APOO: variants seen among roughly 807,000 people sequenced by gnomAD.
APOO encodes MICOS complex subunit MIC26.
APOO carries 11 observed loss-of-function variants against 23.1 expected under a neutral mutation model. The ratio of observed to expected loss-of-function variants is 0.48; its 90% CI spans 0.30 to 0.79. The LOEUF (loss-of-function observed/expected upper bound fraction) is 0.79. APOO is among the 30% of genes least tolerant of loss of function. APOO has a pLI of 0.07. For missense variants in APOO, 160 were observed against 142.7 expected (o/e 1.12, Z -0.62); for synonymous variants, 59 against 54.8 (o/e 1.08, Z -0.34).
At chrX:23,866,804 T>TA (rs1235752281) in intron 5 of APOO, among the ~76,000 whole-genome samples, 35 of 90,321 alleles carry the variant, frequency 3.9e-4, no homozygotes, top group African/African-American at 5.0e-4. Context: ...AGAAATCAAT[T>TA]AAAAAAAAAA....
intron 1 of APOO, among the ~76,000 whole-genome samples, chrX:23,890,824 G>C (rs184919451): frequency 9.0e-6 from 1 of 111,675 alleles, no homozygotes; most frequent in African/African-American, 3.3e-5. Flanking sequence ...AGGTTTATCA[G>C]AATGCAACCC....
chrX:23,878,169 G>A (rs888819921), intron 3 of APOO, among the ~76,000 whole-genome samples: 2 of 111,938 alleles, frequency 1.8e-5, no homozygotes, highest in South Asian at 7.4e-4. Flanking sequence ...TTTGTATAGT[G>A]GGGGGAGAAA....
At chrX:23,903,053 G>A (rs967953165) in intron 1 of APOO, among the ~76,000 whole-genome samples, 5 of 111,839 alleles carry the variant, frequency 4.5e-5, no homozygotes, top group African/African-American at 1.3e-4. Context: ...GGGGACCAAC[G>A]AAAACTATAG....
In APOO at chrX:23,837,447, C is replaced by A; in HGVS notation, c.*29+2866G>T. 1.6e-5 allele frequency: 7 copies of A among 447,783 alleles called. No homozygotes were observed. The South Asian group carries it at 2.3e-4, about 15-fold the overall frequency. The allele number at this position is 447,783 out of a possible 1,213,427, so 36.9% of individuals were successfully genotyped here. A position where few individuals can be genotyped will look rare whatever the true frequency, so the allele number is the denominator to read the frequency against. On this transcript the variant is annotated intron_variant, in intron 8 of 8. Transcript: ENST00000379226. ...GGTGAAGTGGGAGGATCACCTAAAC[C>A]CAGGAGTTGAAGTCCAGCCTGGGTA...
intron 5 of APOO, among the ~76,000 whole-genome samples, chrX:23,864,402 A>C (rs1925244626): frequency 9.0e-6 from 1 of 111,190 alleles, no homozygotes; most frequent in Non-Finnish European, 1.9e-5. Context: ...TCCCGGGTTC[A>C]AGTGATTCTC....
rs1425180487 is a variant in APOO at position 23,901,223 on chromosome X, G to A, written c.9+6471C>T. ...GGCTCCTTGGTGTGGTGAGCTCTGA[G>A]TACAGGTCATGTTATTTGCCCTTGA... On this transcript the variant is annotated intron_variant, in intron 1 of 8. Coordinates refer to ENST00000379226, the MANE Select transcript of APOO (RefSeq NM_024122.5). Among the ~76,000 whole-genome samples, 3 of 111,928 alleles carry A rather than the reference G, an allele frequency of 2.7e-5. No individual in the cohort carries two copies. In the Admixed American group the frequency reaches 2.8e-4, roughly 11 times the overall value.
At chrX:23,847,551 G>A (rs1023007954) in intron 7 of APOO, among the ~76,000 whole-genome samples, 3 of 110,297 alleles carry the variant, frequency 2.7e-5, no homozygotes, top group African/African-American at 6.6e-5. Context: ...GTGTGAACCC[G>A]GGAGGCAGAG....
chrX:23,858,691 C>A lies in APOO; in HGVS notation c.431G>T (p.Gly144Val), dbSNP rs377243454. The change falls in exon 6 of 9, where the codon GGA becomes GTA. Residue 144 changes from glycine (G) to valine (V), a missense_variant. Coordinates refer to ENST00000379226, the MANE Select transcript of APOO (RefSeq NM_024122.5). ...KKLVYPPGFM[G>V]LAASLYYPQQ... ...TGGATAATAGAGGGAGGCAGCTAAT[C>A]CCATGAAACCAGGCGGATACACTAG... The A allele has an allele frequency of 2.8e-5, 34 of 1,209,726 alleles. No individual in the cohort carries two copies. The African/African-American group carries it at 4.4e-4, about 16-fold the overall frequency.
In APOO at chrX:23,876,362, C is replaced by T. The variant is rs752383557; in HGVS notation, c.238-1905G>A. 1.8e-3 allele frequency among the ~76,000 whole-genome samples: 189 copies of T among 104,386 alleles called. 1 individual carries two copies. The highest frequency in any genetic ancestry group is 3.3e-3 in the Non-Finnish European group (167 of 51,320). The allele number at this position is 104,386 out of a possible 115,157, so 90.6% of individuals were successfully genotyped here. On this transcript the variant is annotated intron_variant, in intron 3 of 8. Transcript: ENST00000379226. The stretch of plus-strand genomic sequence containing the variant: ...ACTTGGGAGGCTGAGGTGGGCAGAT[C>T]TCTTGAGCCCAGGAGTTCGAGATCA...
At chrX:23,901,861 C>G (rs1927145433) in intron 1 of APOO, among the ~76,000 whole-genome samples, 1 of 112,439 alleles carries the variant, frequency 8.9e-6, no homozygotes, top group Non-Finnish European at 1.9e-5. Flanking sequence ...GTATCTCTCA[C>G]AAGGAACACA....
intron 1 of APOO, among the ~76,000 whole-genome samples, chrX:23,906,855 T>C (rs1291643051): frequency 8.9e-6 from 1 of 112,173 alleles, no homozygotes; most frequent in Non-Finnish European, 1.9e-5. Context: ...ATGCATGTTC[T>C]GATTTTACAG....
At chrX:23,874,740 G>GA (rs1925766073) in intron 3 of APOO, among the ~76,000 whole-genome samples, 2 of 111,353 alleles carry the variant, frequency 1.8e-5, no homozygotes, top group South Asian at 7.5e-4. Context: ...CATTAAAATG[G>GA]AAAAAATAGA....
In APOO at chrX:23,889,221, A is replaced by G. The variant is rs141655289; in HGVS notation, c.10-8269T>C. ...AAAGGTAGATTCTTAGACACAGTTTACCAAGACATGAATCTGGTAAGGTCG... is the reference window on the plus strand; with the variant it reads ...AAAGGTAGATTCTTAGACACAGTTTGCCAAGACATGAATCTGGTAAGGTCG... On this transcript the variant is annotated intron_variant, in intron 1 of 8. Transcript: ENST00000379226. 1.6e-4 allele frequency among the ~76,000 whole-genome samples: 18 copies of G among 111,800 alleles called. No homozygotes were observed. The East Asian group carries it at 5.0e-3, about 31-fold the overall frequency.
chrX:23,883,964 A>G (rs1326950768), intron 1 of APOO: 4 of 112,198 alleles, frequency 3.6e-5, no homozygotes, highest in Non-Finnish European at 7.5e-5. Flanking sequence ...CAGAAAGACA[A>G]AACAAGTATA....
At chrX:23,873,617 A>C (rs1160862848) in intron 4 of APOO, among the ~76,000 whole-genome samples, 1 of 110,823 alleles carries the variant, frequency 9.0e-6, no homozygotes, top group African/African-American at 3.3e-5. Flanking sequence ...AAAAAAAAAA[A>C]AACAAAAAAC....
intron 5 of APOO, among the ~76,000 whole-genome samples, chrX:23,860,942 C>T (rs1008848377): frequency 1.5e-4 from 16 of 109,917 alleles, no homozygotes; most frequent in African/African-American, 4.9e-4. Context: ...GAGTTTGAGA[C>T]CAGCCTGGGC....
rs1198819511 is a variant in APOO, at chrX:23,897,665, AT to A, written c.9+10028del. 4.5e-5 allele frequency among the ~76,000 whole-genome samples: 5 copies of A among 111,856 alleles called. No homozygotes were observed. In the East Asian group the frequency reaches 1.4e-3, roughly 31 times the overall value. On this transcript the variant is annotated intron_variant, in intron 1 of 8. Coordinates refer to ENST00000379226, the MANE Select transcript of APOO (RefSeq NM_024122.5). ...CCAAGCAACTAATAAAATGTACATCATTTAATAGGAGAGCTAGTCTGTCAAA... is the reference window on the plus strand; with the variant it reads ...CCAAGCAACTAATAAAATGTACATCATTAATAGGAGAGCTAGTCTGTCAAA...
intron 1 of APOO, among the ~76,000 whole-genome samples, chrX:23,888,221 G>A (rs1230228627): frequency 8.9e-6 from 1 of 112,077 alleles, no homozygotes; most frequent in Admixed American, 9.5e-5. Context: ...ATTGGTGTTG[G>A]GTTAGATGAG....
At chrX:23,861,821 C>T (rs756096589) in intron 5 of APOO, among the ~76,000 whole-genome samples, 3 of 94,033 alleles carry the variant, frequency 3.2e-5, no homozygotes, top group South Asian at 5.6e-4. Context: ...TTTTTTTTCC[C>T]GAGACGGAGT....
Sources: gnomAD v4.1 joint callset for allele counts (sites outside exome capture counted in the v4.1 genomes callset) on GRCh38, gnomAD v4.1.1 for gene constraint, MANE v1.5 for transcripts, NCBI Gene and HGNC (gene_info 2026-07-23, HGNC 2026-07-21) for gene names.